The following CDKL5 variants were observed in gnomAD, a reference collection of about 807,000 sequenced individuals.
The protein encoded by CDKL5 is cyclin-dependent kinase-like 5.
Under a neutral mutation model 61.7 loss-of-function variants are expected in CDKL5, and 8 were observed. The ratio of observed to expected loss-of-function variants is 0.13; its 90% CI spans 0.08 to 0.23. CDKL5 has a LOEUF of 0.23. CDKL5 is among the 10% of genes least tolerant of loss of function. The pLI, the probability that CDKL5 is intolerant of heterozygous loss-of-function variation, is 1.00. For synonymous variants in CDKL5, 275 were observed against 272.3 expected (o/e 1.01, Z -0.10); for missense variants, 440 against 734.5 (o/e 0.60, Z 4.63).
At chrX:18,562,457 A>G (rs1924834989) in intron 3 of CDKL5, among the ~76,000 whole-genome samples, 1 of 112,352 alleles carries the variant, frequency 8.9e-6, no homozygotes, top group Admixed American at 9.4e-5. Flanking sequence ...ACAACATACA[A>G]TAAGATGTCC....
In CDKL5 at chrX:18,637,632, C is replaced by T. The variant is rs1191475989; in HGVS notation, c.*8875C>T. On this transcript the variant is annotated 3_prime_UTR_variant, in exon 18 of 18. Transcript: ENST00000623535. ...CCTGGGTGGAGTCTTGGCTCCATCT[C>T]CTACATCTCATGTGACTTGAAGCAA... 1 of 110,926 alleles carries T rather than the reference C, an allele frequency of 9.0e-6. No homozygotes were observed. The highest frequency in any genetic ancestry group is 3.3e-5 in the African/African-American group (1 of 30,485). 9.1% of individuals were successfully genotyped at this position (110,926 alleles called of 1,213,427 possible).
intron 1 of CDKL5, among the ~76,000 whole-genome samples, chrX:18,445,650 G>A (rs778389927): frequency 9.0e-6 from 1 of 111,069 alleles, no homozygotes; most frequent in African/African-American, 3.3e-5. Context: ...TGCTGTTCCT[G>A]TGAGTTCTCA....
rs1447458264 is a variant in CDKL5 at position 18,634,186 on chromosome X, C to T, written c.*5429C>T. The T allele has an allele frequency of 4.0e-6, 3 of 752,128 alleles. No homozygotes were observed. Among genetic ancestry groups the T allele is most frequent in the Non-Finnish European group, 4.7e-6 (3 of 638,911 alleles). 62.0% of individuals were successfully genotyped at this position (752,128 alleles called of 1,213,427 possible). A position where few individuals can be genotyped will look rare whatever the true frequency, so the allele number is the denominator to read the frequency against. On this transcript the variant is annotated 3_prime_UTR_variant, in exon 18 of 18. Transcript: ENST00000623535. Reference sequence around the variant, plus strand: ...TGCCTTGTTTGTTACTCTTCCAACACAGGGTATCAGGGAGAAAGAGGCCTT... The same window carrying T: ...TGCCTTGTTTGTTACTCTTCCAACATAGGGTATCAGGGAGAAAGAGGCCTT...
intron 1 of CDKL5, among the ~76,000 whole-genome samples, chrX:18,497,573 G>A (rs1922221606): frequency 2.7e-5 from 3 of 111,755 alleles, no homozygotes; most frequent in South Asian, 3.7e-4. Context: ...TATAAATGAC[G>A]AAGGAACTAT....
chrX:18,631,101 T>C lies in CDKL5; in HGVS notation c.*2344T>C. On this transcript the variant is annotated 3_prime_UTR_variant, in exon 18 of 18. Transcript: ENST00000623535. Reference sequence around the variant, plus strand: ...GTCACCTAGGGGCTGGTTTCCCATGTTGTCATCCTTGCTAACACTGGGATC... The same window carrying C: ...GTCACCTAGGGGCTGGTTTCCCATGCTGTCATCCTTGCTAACACTGGGATC... The C allele has an allele frequency of 1.3e-6, 1 of 753,016 alleles. No individual in the cohort carries two copies. The highest frequency in any genetic ancestry group is 2.3e-5 in the African/African-American group (1 of 43,464). The allele number at this position is 753,016 out of a possible 1,213,427, so 62.1% of individuals were successfully genotyped here. A position where few individuals can be genotyped will look rare whatever the true frequency, so the allele number is the denominator to read the frequency against.
At chrX:18,503,400 T>C (rs1446867724) in intron 1 of CDKL5, among the ~76,000 whole-genome samples, 2 of 111,891 alleles carry the variant, frequency 1.8e-5, no homozygotes, top group Non-Finnish European at 3.8e-5. Context: ...CCCAGTCTGG[T>C]CTCGAACTCG....
At chrX:18,560,558 G>A (rs891659193) in intron 3 of CDKL5, among the ~76,000 whole-genome samples, 3 of 111,893 alleles carry the variant, frequency 2.7e-5, no homozygotes, top group African/African-American at 9.8e-5. Context: ...CACCTACTAT[G>A]TGCCTGCTAT....
chrX:18,531,678 T>C (rs747005097), intron 3 of CDKL5, among the ~76,000 whole-genome samples: 1 of 111,546 alleles, frequency 9.0e-6, no homozygotes, highest in East Asian at 2.8e-4. Flanking sequence ...ATTTTCAATT[T>C]GTTAGGGTTT....
chrX:18,486,925 C>T (rs1921812806), intron 1 of CDKL5, among the ~76,000 whole-genome samples: 1 of 110,564 alleles, frequency 9.0e-6, no homozygotes, highest in South Asian at 3.8e-4. Context: ...CTCCATATTC[C>T]ACTTAGCTAC....
chrX:18,507,446 C>CTTTTTTT lies in CDKL5; in HGVS notation c.64+299_64+305dup, dbSNP rs200439467. 3.1e-3 allele frequency among the ~76,000 whole-genome samples: 225 copies of CTTTTTTT among 72,342 alleles called. 1 individual carries two copies. Among genetic ancestry groups the CTTTTTTT allele is most frequent in the African/African-American group, 0.011 (212 of 19,419 alleles). 62.8% of individuals were successfully genotyped at this position (72,342 alleles called of 115,157 possible). A position where few individuals can be genotyped will look rare whatever the true frequency, so the allele number is the denominator to read the frequency against. On this transcript the variant is annotated intron_variant, in intron 2 of 17. Coordinates refer to ENST00000623535, the MANE Select transcript of CDKL5 (RefSeq NM_001323289.2). The stretch of plus-strand genomic sequence containing the variant: ...TGTTACAACAGTCTTTGCCTTCATT[C>CTTTTTTT]TTTTTTTTTTTTTTTTTTTAGCAAT...
rs1347074667 is a variant in CDKL5, at chrX:18,608,759, C to G, written c.1945-52C>G. Reference sequence around the variant, plus strand: ...TACCAAATAAAGGCCATGATGAGTTCCATCCCTAGGAACAGGATGCTCTTA... The same window carrying G: ...TACCAAATAAAGGCCATGATGAGTTGCATCCCTAGGAACAGGATGCTCTTA... On this transcript the variant is annotated intron_variant, in intron 12 of 17. Coordinates refer to ENST00000623535, the MANE Select transcript of CDKL5 (RefSeq NM_001323289.2). 3 of 828,849 alleles carry G rather than the reference C, an allele frequency of 3.6e-6. No homozygotes were observed. In the East Asian group the frequency reaches 9.4e-5, roughly 26 times the overall value. 68.3% of individuals were successfully genotyped at this position (828,849 alleles called of 1,213,427 possible).
intron 9 of CDKL5, among the ~76,000 whole-genome samples, chrX:18,594,836 T>C (rs927349493): frequency 2.7e-5 from 3 of 112,598 alleles, no homozygotes; most frequent in African/African-American, 9.7e-5. Flanking sequence ...AGTATCATCT[T>C]TCACCTGTGA....
chrX:18,650,580 A>G lies in CDKL5; in HGVS notation c.2968A>G (p.Thr990Ala), dbSNP rs1927988743. The G allele has an allele frequency of 2.5e-6, 3 of 1,211,999 alleles. No homozygotes were observed. Among genetic ancestry groups the G allele is most frequent in the Non-Finnish European group, 3.4e-6 (3 of 895,471 alleles). Residue 990 changes from threonine (T) to alanine (A), a missense_variant, in exon 21 of 22, where the codon ACC becomes GCC. Physicochemically the swap from Thr to Ala is moderately conservative, Grantham distance 58 (BLOSUM62 0). Coordinates refer to the CDKL5 transcript ENST00000379989. ...AGGCACTGATGCTTTCAGCTGCCCA[A>G]CCCAGCAATCCGGTAAGCAGAGACT...
At chrX:18,609,628 G>A (rs1926481006) in intron 14 of CDKL5, 58 bp downstream of exon 14, 3 of 1,199,686 alleles carry the variant, frequency 2.5e-6, no homozygotes, top group Admixed American at 4.5e-5. Flanking sequence ...CACTTTATGT[G>A]CACACTGCTT....
chrX:18,627,525 G>A (rs963251680), intron 17 of CDKL5: 2 of 111,020 alleles, frequency 1.8e-5, no homozygotes. Context: ...TCGTTCAGGA[G>A]CATGAGGCTC....
At chrX:18,650,362 C>A (rs999132676) in intron 20 of CDKL5, 18 of 1,157,867 alleles carry the variant, frequency 1.6e-5, no homozygotes, top group African/African-American at 1.8e-5. Context: ...CCGATGCCTG[C>A]CTCCCGGGCC....
intron 3 of CDKL5, among the ~76,000 whole-genome samples, chrX:18,536,418 T>C (rs1923827159): frequency 9.3e-6 from 1 of 107,024 alleles, no homozygotes. Flanking sequence ...GAGAGTATTA[T>C]TTATTCAATA....
At chrX:18,543,044 T>A (rs1382033199) in intron 3 of CDKL5, among the ~76,000 whole-genome samples, 1 of 110,865 alleles carries the variant, frequency 9.0e-6, no homozygotes, top group Non-Finnish European at 1.9e-5. Context: ...ACTGATCTCA[T>A]CAGGCAGGGA....
chrX:18,458,448 A>T (rs1179188625), intron 1 of CDKL5, among the ~76,000 whole-genome samples: 1 of 111,919 alleles, frequency 8.9e-6, no homozygotes, highest in East Asian at 2.8e-4. Flanking sequence ...CATTAAATTT[A>T]TTAAATTTTA....
Sources: gnomAD v4.1 joint callset for allele counts (sites outside exome capture counted in the v4.1 genomes callset) on GRCh38, gnomAD v4.1.1 for gene constraint, MANE v1.5 for transcripts, NCBI Gene and HGNC (gene_info 2026-07-23, HGNC 2026-07-21) for gene names.